WDR59: variants seen among roughly 807,000 people sequenced by gnomAD.
WDR59 encodes the protein GATOR2 complex protein WDR59.
In WDR59, 100 loss-of-function variants were observed where a neutral mutation model predicts 131.2. The observed-to-expected ratio is 0.76, with a 90% CI of 0.65 to 0.90. The LOEUF is 0.90. Among genes scored for constraint, WDR59 ranks in the 40% least tolerant of loss-of-function variants. The probability of loss-of-function intolerance (pLI) is 0.00; values close to 1 mark genes in which losing one functional copy is unlikely to be tolerated. For synonymous variants in WDR59, 601 were observed against 466.2 expected (o/e 1.29, Z -3.72); for missense variants, 1,203 against 1,262.2 (o/e 0.95, Z 0.71).
Position 74,909,927 on chromosome 16 carries a change from G to A in WDR59, c.1390-10C>T. The A allele has an allele frequency of 6.3e-7, 1 of 1,599,116 alleles. No individual in the cohort carries two copies. The highest frequency in any genetic ancestry group is 2.2e-5 in the East Asian group (1 of 44,576). The stretch of plus-strand genomic sequence containing the variant: ...CTGTGTCCTTCAGGATCTAGAAAAG[G>A]CCCAAAACACAGTCAAGAAGAGGAA... On this transcript the variant is annotated splice_polypyrimidine_tract_variant and intron_variant, in intron 14 of 25. Transcript: ENST00000262144.
rs572824775 is a variant in WDR59 at position 74,912,416 on chromosome 16, G to C, written c.1225-54C>G. 3.2e-6 allele frequency: 5 copies of C among 1,570,794 alleles called. No individual in the cohort carries two copies. In the South Asian group the frequency reaches 5.8e-5, roughly 18 times the overall value. The stretch of plus-strand genomic sequence containing the variant: ...AGAAACAAACCATAAAGCGTCTTTC[G>C]ATGCAAGCACATTTAACTGAACGCT... On this transcript the variant is annotated intron_variant, in intron 13 of 25. Transcript: ENST00000262144.
In WDR59 at chr16:74,901,013, C is replaced by T. The variant is rs553488244; in HGVS notation, c.1866+2934G>A. Among the ~76,000 whole-genome samples the T allele has an allele frequency of 9.2e-5, 14 of 152,290 alleles. No homozygotes were observed. In the South Asian group the frequency reaches 2.3e-3, roughly 25 times the overall value. ...ACTTGGGAGGCTAAGGCAGGAGAAT[C>T]GCTTGAACCCGGAGGCAGAGGATGC... On this transcript the variant is annotated intron_variant, in intron 18 of 25. Coordinates refer to ENST00000262144, the MANE Select transcript of WDR59 (RefSeq NM_030581.4).
intron 1 of WDR59, among the ~76,000 whole-genome samples, chr16:74,981,866 G>C (rs1218177835): frequency 7.2e-6 from 1 of 139,638 alleles, no homozygotes; most frequent in African/African-American, 2.6e-5. Context: ...ATGTTGGCCA[G>C]GCTGGTCTCA....
chr16:74,918,101 C>T, intron 10 of WDR59, 93 bp from the exon 11 acceptor site: 1 of 1,196,048 alleles, frequency 8.4e-7, no homozygotes, highest in Non-Finnish European at 1.2e-6. Flanking sequence ...TCCATCCATT[C>T]AACAAACATC....
intron 1 of WDR59, among the ~76,000 whole-genome samples, chr16:74,980,442 C>T (rs539377056): frequency 2.0e-4 from 30 of 150,884 alleles, no homozygotes; most frequent in African/African-American, 7.3e-4. Flanking sequence ...CAACCTCCGC[C>T]TCCCAGGTTC....
chr16:74,981,647 TATATATATATA>T (rs1237720224), intron 1 of WDR59, among the ~76,000 whole-genome samples: 705 of 7,490 alleles, frequency 0.094, 39 homozygotes, highest in Middle Eastern at 0.25. Context: ...TATATATATA[TATATATATATA>T]TATTTTTTTT....
chr16:74,963,750 T>C (rs1018080428), intron 2 of WDR59, among the ~76,000 whole-genome samples: 1 of 152,042 alleles, frequency 6.6e-6, no homozygotes, highest in African/African-American at 2.4e-5. Context: ...TAAAATTAAA[T>C]TAAATTTTTT....
intron 6 of WDR59, among the ~76,000 whole-genome samples, chr16:74,944,463 CAAA>C (rs527514875): frequency 7.5e-5 from 7 of 93,066 alleles, no homozygotes; most frequent in African/African-American, 1.2e-4. Flanking sequence ...AAGACTGTCT[CAAA>C]AAAAAAAAAA....
chr16:74,878,716 C>T (rs1459195911), intron 25 of WDR59, among the ~76,000 whole-genome samples: 3 of 152,144 alleles, frequency 2.0e-5, no homozygotes, highest in African/African-American at 2.4e-5. Flanking sequence ...TGGCAATAAC[C>T]TTACAAACAT....
chr16:74,919,438 T>C (rs1437667372), intron 10 of WDR59, among the ~76,000 whole-genome samples: 1 of 151,976 alleles, frequency 6.6e-6, no homozygotes, highest in Non-Finnish European at 1.5e-5. Context: ...GTTCAGGAAA[T>C]TCTCCTGCCT....
chr16:74,903,651 G>GA (rs1965660695), intron 18 of WDR59, among the ~76,000 whole-genome samples: 2 of 152,132 alleles, frequency 1.3e-5, no homozygotes, highest in South Asian at 4.1e-4. Context: ...ATTCTACCCT[G>GA]AAATAATGGG....
At chr16:74,984,569 C>A in intron 1 of WDR59, 1 of 258,516 alleles carries the variant, frequency 3.9e-6, no homozygotes, top group Non-Finnish European at 7.6e-6. Context: ...GTTACGTCCA[C>A]GCAGCTGAGA....
intron 13 of WDR59, among the ~76,000 whole-genome samples, chr16:74,913,498 C>G (rs1401238232): frequency 2.0e-5 from 3 of 151,982 alleles, no homozygotes; most frequent in Non-Finnish European, 4.4e-5. Context: ...GCCATGTTGG[C>G]CAGGCTGGTC....
chr16:74,884,503 C>T (rs187156498), intron 25 of WDR59, among the ~76,000 whole-genome samples: 196 of 152,326 alleles, frequency 1.3e-3, no homozygotes, highest in Non-Finnish European at 2.2e-3. Flanking sequence ...TGTGCACTAG[C>T]ACGCCTGGCT....
At chr16:74,909,358 C>T (rs1965970249) in intron 16 of WDR59, 143 bp downstream of exon 16, 1 of 1,088,376 alleles carries the variant, frequency 9.2e-7, no homozygotes, top group Admixed American at 3.5e-5. Flanking sequence ...GGGCCTCAGA[C>T]CCTACCACGC....
At chr16:74,877,445 T>C (rs1398833275) in intron 25 of WDR59, among the ~76,000 whole-genome samples, 1 of 152,238 alleles carries the variant, frequency 6.6e-6, no homozygotes, top group African/African-American at 2.4e-5. Flanking sequence ...TTTTTGGTGT[T>C]TTTTGTCATG....
chr16:74,961,332 A>T (rs2033558522), intron 2 of WDR59, among the ~76,000 whole-genome samples: 1 of 152,140 alleles, frequency 6.6e-6, no homozygotes, highest in Non-Finnish European at 1.5e-5. Context: ...AAAACCCAAT[A>T]TAAGAAAATG....
chr16:74,956,683 T>C, intron 2 of WDR59, 73 bp from the exon 3 acceptor site: 1 of 1,550,228 alleles, frequency 6.5e-7, no homozygotes, highest in Admixed American at 1.9e-5. Context: ...AAAGCACAAT[T>C]GGAATTGCAT....
chr16:74,945,129 A>G (rs1025127627), intron 6 of WDR59, among the ~76,000 whole-genome samples: 1 of 151,270 alleles, frequency 6.6e-6, no homozygotes, highest in African/African-American at 2.4e-5. Context: ...ATCTCAAATA[A>G]AAAAAGAACC....
Sources: allele counts gnomAD v4.1 joint callset (sites outside exome capture counted in the v4.1 genomes callset), GRCh38; gene constraint gnomAD v4.1.1; transcripts MANE v1.5; gene names NCBI Gene and HGNC (gene_info 2026-07-23, HGNC 2026-07-21).